The following INTU variants were observed in gnomAD, a reference collection of about 807,000 sequenced individuals.
The protein encoded by INTU is inturned planar cell polarity protein, also known as protein inturned.
In INTU, 68 loss-of-function variants were observed where a neutral mutation model predicts 100.5. The ratio of observed to expected loss-of-function variants is 0.68; its 90% CI spans 0.56 to 0.83. The LOEUF is 0.83. Among genes scored for constraint, INTU ranks in the 40% least tolerant of loss-of-function variants. The pLI is 0.00. For missense variants in INTU, 1,071 were observed against 1,114.7 expected (o/e 0.96, Z 0.56); for synonymous variants, 357 against 395.7 (o/e 0.90, Z 1.16).
chr4:127,719,036 G>A lies in INTU; in HGVS notation c.*2600G>A, dbSNP rs1477973831. 6.6e-6 allele frequency: 1 copy of A among 152,144 alleles called. No homozygotes were observed. Among genetic ancestry groups the A allele is most frequent in the Non-Finnish European group, 1.5e-5 (1 of 68,004 alleles). The allele number at this position is 152,144 out of a possible 1,614,324, so 9.4% of individuals were successfully genotyped here. A position where few individuals can be genotyped will look rare whatever the true frequency, so the allele number is the denominator to read the frequency against. ...CCAATACTATGTTGAATAGTGGTGA[G>A]AGAGGTCATCCTTGTCTTGTGCTGG... On this transcript the variant is annotated 3_prime_UTR_variant, in exon 16 of 16. Transcript: ENST00000335251.
At chr4:127,704,396 T>A in intron 10 of INTU, 106 bp downstream of exon 10, 1 of 858,144 alleles carries the variant, frequency 1.2e-6, no homozygotes, top group Admixed American at 2.2e-5. Flanking sequence ...TTCTTTCAAA[T>A]GTAGGTACCA....
intron 6 of INTU, among the ~76,000 whole-genome samples, chr4:127,678,668 C>T (rs992948727): frequency 5.3e-5 from 8 of 152,102 alleles, no homozygotes; most frequent in South Asian, 2.1e-4. Context: ...TAAAGACCAT[C>T]GAGGCTAGGA....
At chr4:127,694,888 C>T in intron 8 of INTU, among the ~76,000 whole-genome samples, 1 of 152,168 alleles carries the variant, frequency 6.6e-6, no homozygotes. Context: ...ACCAATAATA[C>T]AATGTCTTGA....
chr4:127,681,452 A>G (rs1729544105), intron 6 of INTU, among the ~76,000 whole-genome samples: 1 of 152,196 alleles, frequency 6.6e-6, no homozygotes, highest in African/African-American at 2.4e-5. Flanking sequence ...AATGCCTCAT[A>G]TCTACAACTA....
intron 6 of INTU, among the ~76,000 whole-genome samples, chr4:127,677,032 C>A (rs1729238325): frequency 6.6e-6 from 1 of 152,156 alleles, no homozygotes; most frequent in Admixed American, 6.5e-5. Context: ...TGCAAGATGG[C>A]AGGGAGGCTG....
At chr4:127,661,399 C>G (rs577441884) in intron 3 of INTU, among the ~76,000 whole-genome samples, 1 of 152,018 alleles carries the variant, frequency 6.6e-6, no homozygotes, top group African/African-American at 2.4e-5. Flanking sequence ...ACCTCTCCAC[C>G]CATAAGAATC....
intron 6 of INTU, among the ~76,000 whole-genome samples, chr4:127,679,480 G>C (rs1372538116): frequency 6.6e-6 from 1 of 152,192 alleles, no homozygotes; most frequent in Non-Finnish European, 1.5e-5. Flanking sequence ...CATGGAAACT[G>C]ATCAACCTCC....
At chr4:127,666,255 A>G (rs1358656684) in intron 4 of INTU, among the ~76,000 whole-genome samples, 2 of 152,068 alleles carry the variant, frequency 1.3e-5, no homozygotes. Context: ...TGTAGACTCT[A>G]TACTCTATTC....
chr4:127,670,806 C>T (rs1728891578), intron 5 of INTU, among the ~76,000 whole-genome samples: 1 of 151,870 alleles, frequency 6.6e-6, no homozygotes, highest in South Asian at 2.1e-4. Flanking sequence ...AGAAATAAAG[C>T]CACATGCCTA....
intron 7 of INTU, chr4:127,686,827 A>C (rs942380370): frequency 3.9e-5 from 6 of 152,228 alleles, no homozygotes; most frequent in African/African-American, 1.4e-4. Context: ...AGCAATGAGA[A>C]TAGTGCCTGG....
At chr4:127,693,859 A>T (rs1730264501) in intron 8 of INTU, among the ~76,000 whole-genome samples, 1 of 152,028 alleles carries the variant, frequency 6.6e-6, no homozygotes, top group South Asian at 2.1e-4. Flanking sequence ...AGTTCTGTTT[A>T]TGTAGTGTAT....
chr4:127,676,264 A>T (rs1407755125), intron 6 of INTU, among the ~76,000 whole-genome samples: 1 of 151,976 alleles, frequency 6.6e-6, no homozygotes, highest in South Asian at 2.1e-4. Flanking sequence ...TTGGGTTTGG[A>T]TTATGAAGAA....
chr4:127,655,099 C>G (rs561436885), intron 2 of INTU, among the ~76,000 whole-genome samples: 53 of 152,244 alleles, frequency 3.5e-4, no homozygotes, highest in African/African-American at 1.2e-3. Context: ...CTTCTCTATA[C>G]TGGTTATTCT....
In INTU at chr4:127,722,259, T is replaced by G. The variant is rs1731356783; in HGVS notation, c.*5823T>G. ...ACTCTAGACCCTATTCGCCTGGGTC[T>G]CTCGTCTTCCAGGAGATATCACCAG... On this transcript the variant is annotated 3_prime_UTR_variant, in exon 16 of 16. Transcript: ENST00000335251. 6.6e-6 allele frequency: 1 copy of G among 152,306 alleles called. No individual in the cohort carries two copies. Among genetic ancestry groups the G allele is most frequent in the Non-Finnish European group, 1.5e-5 (1 of 68,140 alleles). The allele number at this position is 152,306 out of a possible 1,614,324, so 9.4% of individuals were successfully genotyped here. A position where few individuals can be genotyped will look rare whatever the true frequency, so the allele number is the denominator to read the frequency against.
chr4:127,718,314 A>C lies in INTU; in HGVS notation c.*1878A>C, dbSNP rs951084792. 6.6e-6 allele frequency: 1 copy of C among 151,868 alleles called. No homozygotes were observed. The highest frequency in any genetic ancestry group is 2.4e-5 in the African/African-American group (1 of 41,344). The allele number at this position is 151,868 out of a possible 1,614,324, so 9.4% of individuals were successfully genotyped here. A position where few individuals can be genotyped will look rare whatever the true frequency, so the allele number is the denominator to read the frequency against. Reference sequence around the variant, plus strand: ...TTGTAGATGTGCAATCTTATTTCTGAGTTCTCTATTCTATTCCATTGGTCT... The same window carrying C: ...TTGTAGATGTGCAATCTTATTTCTGCGTTCTCTATTCTATTCCATTGGTCT... On this transcript the variant is annotated 3_prime_UTR_variant, in exon 16 of 16. Transcript: ENST00000335251.
intron 1 of INTU, among the ~76,000 whole-genome samples, chr4:127,638,515 C>G (rs918769817): frequency 1.3e-5 from 2 of 151,976 alleles, no homozygotes; most frequent in East Asian, 3.8e-4. Context: ...CTGAGAGATT[C>G]AAATAACTAT....
Position 127,648,944 on chromosome 4 carries a change from T to G in INTU, c.682+4888T>G, listed in dbSNP as rs374003786. 1.6e-4 allele frequency among the ~76,000 whole-genome samples: 24 copies of G among 152,256 alleles called. No homozygotes were observed. In the South Asian group the frequency reaches 4.8e-3, roughly 30 times the overall value. The stretch of plus-strand genomic sequence containing the variant: ...AACCATCATAATGACTTGGTGCCCA[T>G]GCTTGCAAAACTCCCATCTGAGTTG... On this transcript the variant is annotated intron_variant, in intron 2 of 15. Transcript: ENST00000335251.
At chr4:127,714,184 G>T in intron 15 of INTU, 91 bp downstream of exon 15, 2 of 1,051,968 alleles carry the variant, frequency 1.9e-6, no homozygotes, top group South Asian at 1.7e-5. Flanking sequence ...ATGTAAGCAT[G>T]GAATTTTTTA....
intron 8 of INTU, among the ~76,000 whole-genome samples, chr4:127,696,829 C>G (rs994387842): frequency 6.6e-6 from 1 of 151,806 alleles, no homozygotes; most frequent in African/African-American, 2.4e-5. Context: ...TATAAATTTC[C>G]CCCAAGCACC....
Sources: allele counts gnomAD v4.1 joint callset (sites outside exome capture counted in the v4.1 genomes callset), GRCh38; gene constraint gnomAD v4.1.1; transcripts MANE v1.5; gene names NCBI Gene and HGNC (gene_info 2026-07-23, HGNC 2026-07-21).